Variants in ERI3 observed in about 807,000 individuals in gnomAD.
The protein encoded by ERI3 is ERI1 exoribonuclease 3.
Under a neutral mutation model 44.4 loss-of-function variants are expected in ERI3, and 18 were observed. The observed-to-expected ratio is 0.41, with a 90% confidence interval of 0.28 to 0.60. ERI3 has a LOEUF of 0.60. ERI3 is among the 20% of genes least tolerant of loss of function. The probability of loss-of-function intolerance (pLI) is 0.36; values close to 1 mark genes in which losing one functional copy is unlikely to be tolerated. For missense variants in ERI3, 294 were observed against 435.5 expected, an observed-to-expected ratio of 0.68 and a Z score of 2.89; for synonymous variants, 183 against 164.8, an observed-to-expected ratio of 1.11 and a Z score of -0.84.
At chr1:44,353,055 GC>G in intron 1 of ERI3, 130 bp from the exon 2 acceptor site, 1 of 1,508,724 alleles carries the variant, frequency 6.6e-7, no homozygotes, top group South Asian at 1.3e-5. Flanking sequence ...CAAAGACAGT[GC>G]CCCCACAGAG....
chr1:44,307,251 C>T (rs1253235616), intron 6 of ERI3, among the ~76,000 whole-genome samples: 3 of 152,078 alleles, frequency 2.0e-5, no homozygotes, highest in Non-Finnish European at 2.9e-5. Flanking sequence ...GGCTTGACAC[C>T]CACCTGGGTA....
rs867538161 is a variant in ERI3 at position 44,221,884 on chromosome 1, A to T, written c.932-244T>A. On this transcript the variant is annotated intron_variant, in intron 8 of 8. Coordinates refer to ENST00000372257, the MANE Select transcript of ERI3 (RefSeq NM_024066.3). This position sits in a 1 kb window ranked among gnomAD's most constrained non-coding sequence, Gnocchi z 5.9. ...TAATTCATGCTGGAAATTGGCCGGC[A>T]TGTCCCGCCCCAGCCCCAGCGGTGA... 7.2e-5 allele frequency among the ~76,000 whole-genome samples: 11 copies of T among 152,280 alleles called. No homozygotes were observed. In the Middle Eastern group the frequency reaches 0.027, roughly 377 times the overall value.
chr1:44,301,219 G>A (rs1488011336), intron 6 of ERI3, among the ~76,000 whole-genome samples: 1 of 152,192 alleles, frequency 6.6e-6, no homozygotes, highest in Admixed American at 6.5e-5. Context: ...AGGGCAGAAG[G>A]TCTGGTTCCC....
chr1:44,325,318 G>A (rs1646289159), intron 3 of ERI3, among the ~76,000 whole-genome samples: 1 of 151,500 alleles, frequency 6.6e-6, no homozygotes, highest in African/African-American at 2.4e-5. Context: ...CTCAAGATCC[G>A]CACGCCTCGG....
chr1:44,300,334 G>A (rs1192621304), intron 6 of ERI3, among the ~76,000 whole-genome samples: 1 of 152,188 alleles, frequency 6.6e-6, no homozygotes, highest in East Asian at 1.9e-4. Context: ...TTCCTAGTGG[G>A]TGAAGAAATG....
chr1:44,268,082 A>G (rs1055884734), intron 7 of ERI3, among the ~76,000 whole-genome samples: 1 of 152,196 alleles, frequency 6.6e-6, no homozygotes, highest in African/African-American at 2.4e-5. Flanking sequence ...GCTGAATTCA[A>G]AATAATTTTT....
At chr1:44,237,903 G>C (rs948711035) in intron 8 of ERI3, among the ~76,000 whole-genome samples, 3 of 151,988 alleles carry the variant, frequency 2.0e-5, no homozygotes, top group East Asian at 1.9e-4. Context: ...GGCTCCCGGC[G>C]GCCGGCAGCA....
chr1:44,353,275 T>C, intron 1 of ERI3: 2 of 985,316 alleles, frequency 2.0e-6, no homozygotes, highest in Non-Finnish European at 2.4e-6. Flanking sequence ...ACTAAGGAAC[T>C]AAGGCTGGGC....
chr1:44,285,623 G>A (rs1645378715), intron 6 of ERI3, among the ~76,000 whole-genome samples: 1 of 152,190 alleles, frequency 6.6e-6, no homozygotes, highest in Non-Finnish European at 1.5e-5. Flanking sequence ...GCTGGTGATG[G>A]TTTTACTCAG....
At chr1:44,270,700 G>A (rs1222789428) in intron 7 of ERI3, among the ~76,000 whole-genome samples, 7 of 152,208 alleles carry the variant, frequency 4.6e-5, no homozygotes, top group Non-Finnish European at 1.5e-5. Context: ...GCAGGCCCTA[G>A]GGTGGGCCTG....
chr1:44,274,433 G>A (rs1010280847), intron 7 of ERI3, among the ~76,000 whole-genome samples: 1 of 152,208 alleles, frequency 6.6e-6, no homozygotes, highest in Non-Finnish European at 1.5e-5. Context: ...GGCAACACAT[G>A]TTAACAAGGC....
intron 6 of ERI3, among the ~76,000 whole-genome samples, chr1:44,287,278 C>T (rs1210960315): frequency 6.6e-6 from 1 of 152,154 alleles, no homozygotes; most frequent in Admixed American, 6.5e-5. Context: ...AGAGATAAGA[C>T]AGCGGAGATT....
intron 1 of ERI3, chr1:44,353,470 C>G (rs1415451646): frequency 1.0e-6 from 1 of 985,296 alleles, no homozygotes; most frequent in Non-Finnish European, 1.2e-6. Flanking sequence ...TTCATATCCT[C>G]CAAAGGACCA....
intron 6 of ERI3, among the ~76,000 whole-genome samples, chr1:44,291,478 T>C (rs1645505587): frequency 6.6e-6 from 1 of 152,206 alleles, no homozygotes; most frequent in Admixed American, 6.5e-5. Context: ...GATCTCCTTA[T>C]AGCCAGAATC....
chr1:44,284,148 G>A (rs1257900145), intron 7 of ERI3: 2 of 455,566 alleles, frequency 4.4e-6, no homozygotes, highest in Non-Finnish European at 9.0e-6. Flanking sequence ...CTAGAGCAGG[G>A]ATACTCTGCT....
intron 5 of ERI3, among the ~76,000 whole-genome samples, chr1:44,310,959 GCGCGCACA>G (rs1308838901): frequency 7.4e-5 from 6 of 81,254 alleles, no homozygotes; most frequent in African/African-American, 1.5e-4. Context: ...CATCGCGCGC[GCGCGCACA>G]CACACACACA....
chr1:44,249,827 G>A (rs996288423), intron 7 of ERI3, among the ~76,000 whole-genome samples: 1 of 152,152 alleles, frequency 6.6e-6, no homozygotes, highest in African/African-American at 2.4e-5. Context: ...GAGCAGTGGC[G>A]GCTGCCTTTC....
intron 7 of ERI3, among the ~76,000 whole-genome samples, chr1:44,260,407 G>A (rs997843738): frequency 6.6e-6 from 1 of 152,236 alleles, no homozygotes; most frequent in Admixed American, 6.5e-5. Context: ...GCAGGAGTGT[G>A]AGGAGGACCC....
chr1:44,349,663 T>C (rs1347328990), intron 2 of ERI3, among the ~76,000 whole-genome samples: 2 of 152,236 alleles, frequency 1.3e-5, no homozygotes, highest in African/African-American at 4.8e-5. Flanking sequence ...GGCTGCTTTT[T>C]AAAAACTTAT....
Sources: allele counts gnomAD v4.1 joint callset (sites outside exome capture counted in the v4.1 genomes callset), GRCh38; gene constraint gnomAD v4.1.1; non-coding constraint Gnocchi (gnomAD v3.1); transcripts MANE v1.5; gene names NCBI Gene and HGNC (gene_info 2026-07-23, HGNC 2026-07-21).